LTV1: variants seen among roughly 807,000 people sequenced by gnomAD.
LTV1 encodes the protein protein LTV1 homolog.
A neutral mutation model predicts 59.9 loss-of-function variants in LTV1; 39 were observed. That is an observed-to-expected ratio of 0.65 (90% confidence interval 0.50 to 0.85). The LOEUF (loss-of-function observed/expected upper bound fraction) is 0.85. Ranked by LOEUF, LTV1 falls within the 40% of genes least tolerant of loss-of-function variation. The pLI, the probability that LTV1 is intolerant of heterozygous loss-of-function variation, is 0.00. For synonymous variants in LTV1, 171 were observed against 189.5 expected (o/e 0.90, Z 0.80); for missense variants, 493 against 549.1 (o/e 0.90, Z 1.02).
Position 143,844,481 on chromosome 6 carries a change from T to G in LTV1, c.4-5T>G. The stretch of plus-strand genomic sequence containing the variant: ...ATTAATTGTTGTGATTTTGTTCCTT[T>G]GAAGCCTCACAGGAAGAAAAAGCCC... On this transcript the variant is annotated splice_region_variant and splice_polypyrimidine_tract_variant and intron_variant, in intron 1 of 10. Coordinates refer to ENST00000367576, the MANE Select transcript of LTV1 (RefSeq NM_032860.5). 6.2e-7 allele frequency: 1 copy of G among 1,612,966 alleles called. No homozygotes were observed. Among genetic ancestry groups the G allele is most frequent in the Middle Eastern group, 1.7e-4 (1 of 6,054 alleles).
Position 143,862,478 on chromosome 6 carries a change from C to G in LTV1, c.1063+235C>G, listed in dbSNP as rs187857192. 1.1e-3 allele frequency among the ~76,000 whole-genome samples: 164 copies of G among 151,924 alleles called. 1 individual carries two copies. The highest frequency in any genetic ancestry group is 5.4e-3 in the Admixed American group (82 of 15,280). On this transcript the variant is annotated intron_variant, in intron 8 of 10. Transcript: ENST00000367576. The surrounding 1 kb of genome is among the most constrained non-coding windows in gnomAD (Gnocchi z 4.2). ...GCAGGCAACTGTAATCCCAGCTGCT[C>G]GAGAGGCTGAGGCAGGAGAATAGCT...
In LTV1 at chr6:143,863,072, T is replaced by C. The variant is rs1477833849; in HGVS notation, c.1117-14T>C. On this transcript the variant is annotated splice_polypyrimidine_tract_variant and intron_variant, in intron 9 of 10. Coordinates refer to ENST00000367576, the MANE Select transcript of LTV1 (RefSeq NM_032860.5). The surrounding 1 kb of genome is among the most constrained non-coding windows in gnomAD (Gnocchi z 4.5). ...ATGAGAAGTAACTCTAGTACCATTT[T>C]ATCTGTATTTCAGCCCAAACAAATT... 1 of 1,604,942 alleles carries C rather than the reference T, an allele frequency of 6.2e-7. No homozygotes were observed. Among genetic ancestry groups the C allele is most frequent in the African/African-American group, 1.3e-5 (1 of 74,702 alleles).
At chr6:143,858,881 A>C (rs1409691431) in intron 6 of LTV1, among the ~76,000 whole-genome samples, 1 of 152,114 alleles carries the variant, frequency 6.6e-6, no homozygotes, top group Non-Finnish European at 1.5e-5. Context: ...GTATCTCTTT[A>C]TTAAAACAGA....
chr6:143,843,443 G>A lies in LTV1; in HGVS notation c.-35G>A, dbSNP rs1371146905. On this transcript the variant is annotated 5_prime_UTR_variant, in exon 1 of 11. Transcript: ENST00000367576. ...GCCGGACTTCGAGGGTGTCATCGCCGCCCCTGTTGGGGGTGAGCGCCGCGC... is the reference window on the plus strand; with the variant it reads ...GCCGGACTTCGAGGGTGTCATCGCCACCCCTGTTGGGGGTGAGCGCCGCGC... 1 of 1,612,536 alleles carries A rather than the reference G, an allele frequency of 6.2e-7. No homozygotes were observed. The highest frequency in any genetic ancestry group is 1.3e-5 in the African/African-American group (1 of 74,942).
chr6:143,852,708 C>T (rs553862717), intron 4 of LTV1, among the ~76,000 whole-genome samples: 1 of 152,108 alleles, frequency 6.6e-6, no homozygotes, highest in Non-Finnish European at 1.5e-5. Flanking sequence ...TTAGGTCTTA[C>T]GTTGAAGTCT....
chr6:143,861,236 A>G (rs1467936842), intron 7 of LTV1, among the ~76,000 whole-genome samples: 1 of 151,842 alleles, frequency 6.6e-6, no homozygotes, highest in Non-Finnish European at 1.5e-5. Context: ...ATTTTGCTTA[A>G]AAGTTTTGTT....
Position 143,857,937 on chromosome 6 carries a change from A to C in LTV1, c.725A>C (p.Glu242Ala). ...WSEETKSRFT[E>A]YSMTSSVMRR... ...GAGGAAACAAAGAGTCGCTTCACGG[A>C]GTATTCGATGACTTCCTCAGTCATG... is the stretch of plus-strand genomic sequence containing the variant. The change falls in exon 6 of 11, where the codon GAG becomes GCG. Residue 242 changes from glutamate to alanine, a missense_variant. Coordinates refer to ENST00000367576, the MANE Select transcript of LTV1 (RefSeq NM_032860.5). This position sits in a 1 kb window ranked among gnomAD's most constrained non-coding sequence, Gnocchi z 5.2. 1 of 1,614,122 alleles carries C rather than the reference A, an allele frequency of 6.2e-7. No individual in the cohort carries two copies. Among genetic ancestry groups the C allele is most frequent in the Non-Finnish European group, 8.5e-7 (1 of 1,180,000 alleles).
chr6:143,847,455 G>A (rs1776912575), intron 3 of LTV1, among the ~76,000 whole-genome samples: 4 of 152,152 alleles, frequency 2.6e-5, no homozygotes, highest in Admixed American at 6.5e-5. Context: ...TCCGCCTCCC[G>A]GGTTCAAGCG....
At position 143,862,366 on chromosome 6, in the gene LTV1, C is replaced by A. The variant is rs1031724673; in HGVS notation, c.1063+123C>A. 1 of 761,590 alleles carries A rather than the reference C, an allele frequency of 1.3e-6. No individual in the cohort carries two copies. The highest frequency in any genetic ancestry group is 2.9e-5 in the Admixed American group (1 of 34,646). 47.2% of individuals were successfully genotyped at this position (761,590 alleles called of 1,614,324 possible). A position where few individuals can be genotyped will look rare whatever the true frequency, so the allele number is the denominator to read the frequency against. ...TTGGGAGGCCGAGGCGGGTGGGTCA[C>A]CTGATGTCAGGAGTTCAAGACCAGC... On this transcript the variant is annotated intron_variant, in intron 8 of 10. Transcript: ENST00000367576. The surrounding 1 kb of genome is among the most constrained non-coding windows in gnomAD (Gnocchi z 4.2).
At chr6:143,844,661 GTTTTTTTTTTC>G in intron 2 of LTV1, 44 bp downstream of exon 2, 1 of 1,358,228 alleles carries the variant, frequency 7.4e-7, no homozygotes, top group Non-Finnish European at 1.0e-6. Flanking sequence ...GTAGACAATA[GTTTTTTTTTTC>G]TTTTTTTTTT....
At chr6:143,845,132 A>T (rs538861177) in intron 2 of LTV1, among the ~76,000 whole-genome samples, 34 of 152,242 alleles carry the variant, frequency 2.2e-4, no homozygotes, top group African/African-American at 8.2e-4. Flanking sequence ...ATCTTAGGAA[A>T]TGTAAAATAT....
chr6:143,844,381 A>G, intron 1 of LTV1, 105 bp from the exon 2 acceptor site: 2 of 1,259,166 alleles, frequency 1.6e-6, no homozygotes, highest in Non-Finnish European at 2.2e-6. Flanking sequence ...GATTTTTAAA[A>G]AGTATCTTTA....
intron 3 of LTV1, among the ~76,000 whole-genome samples, chr6:143,847,604 G>A (rs1434653222): frequency 6.6e-6 from 1 of 152,180 alleles, no homozygotes; most frequent in Admixed American, 6.5e-5. Flanking sequence ...CAGGTGATCT[G>A]CCTGCCTCGG....
At chr6:143,858,632 CT>C (rs1216121363) in intron 6 of LTV1, 4 of 153,390 alleles carry the variant, frequency 2.6e-5, no homozygotes, top group African/African-American at 9.7e-5. Flanking sequence ...GAATAGTTTC[CT>C]TCAAGGTGAC....
chr6:143,863,281 CG>C lies in LTV1; in HGVS notation c.1313del (p.Arg438ProfsTer13). The C allele has an allele frequency of 6.2e-7, 1 of 1,612,560 alleles. No individual in the cohort carries two copies. Among genetic ancestry groups the C allele is most frequent in the Non-Finnish European group, 8.5e-7 (1 of 1,179,498 alleles). ...AAGAAAGCAAGCTATAAAAGAAGAGCGCAAGGTAAAATATATTTTTCAAATG... is the reference window on the plus strand; with the variant it reads ...AAGAAAGCAAGCTATAAAAGAAGAGCCAAGGTAAAATATATTTTTCAAATG... Reference protein sequence around the residue: ...RARKQAIKEERKERRVEKKAN... With the variant: ...RARKQAIKEEXKERRVEKKAN... On this transcript the variant is annotated frameshift_variant, in exon 10 of 11. Transcript: ENST00000367576. LOFTEE classifies it high-confidence loss of function. This position sits in a 1 kb window ranked among gnomAD's most constrained non-coding sequence, Gnocchi z 4.5.
chr6:143,849,327 A>G (rs569590559), intron 3 of LTV1, among the ~76,000 whole-genome samples: 5 of 152,240 alleles, frequency 3.3e-5, no homozygotes, highest in Non-Finnish European at 5.9e-5. Context: ...CTGTGCCATT[A>G]CTAGAGATTA....
chr6:143,862,449 G>C lies in LTV1; in HGVS notation c.1063+206G>C, dbSNP rs1250121281. On this transcript the variant is annotated intron_variant, in intron 8 of 10. Coordinates refer to ENST00000367576, the MANE Select transcript of LTV1 (RefSeq NM_032860.5). The surrounding 1 kb of genome is among the most constrained non-coding windows in gnomAD (Gnocchi z 4.2). ...AAAAATACAAAAATTAGCCAGGTATGGTGGCAGGCAACTGTAATCCCAGCT... is the reference window on the plus strand; with the variant it reads ...AAAAATACAAAAATTAGCCAGGTATCGTGGCAGGCAACTGTAATCCCAGCT... Among the ~76,000 whole-genome samples the C allele has an allele frequency of 6.6e-6, 1 of 152,032 alleles. No homozygotes were observed. Among genetic ancestry groups the C allele is most frequent in the Non-Finnish European group, 1.5e-5 (1 of 68,020 alleles).
At chr6:143,852,283 G>A (rs1776996718) in intron 4 of LTV1, among the ~76,000 whole-genome samples, 1 of 152,310 alleles carries the variant, frequency 6.6e-6, no homozygotes, top group East Asian at 1.9e-4. Context: ...GCGTGAGATA[G>A]TTTCTCATTG....
intron 4 of LTV1, among the ~76,000 whole-genome samples, chr6:143,853,763 G>T (rs534583113): frequency 6.6e-6 from 1 of 152,084 alleles, no homozygotes; most frequent in Non-Finnish European, 1.5e-5. Context: ...TTATGTAATG[G>T]ATTACGTTGA....
Sources: allele counts gnomAD v4.1 joint callset (sites outside exome capture counted in the v4.1 genomes callset), GRCh38; gene constraint gnomAD v4.1.1; non-coding constraint Gnocchi (gnomAD v3.1); transcripts MANE v1.5; gene names NCBI Gene and HGNC (gene_info 2026-07-23, HGNC 2026-07-21).